The following TTF1 variants were observed in gnomAD, a reference collection of about 807,000 sequenced individuals.
The protein encoded by TTF1 is transcription termination factor, RNA polymerase I.
TTF1 carries 64 observed loss-of-function variants against 80.2 expected under a neutral mutation model. The ratio of observed to expected loss-of-function variants is 0.80; its 90% CI spans 0.65 to 0.98. The LOEUF is 0.98. Ranked by LOEUF, TTF1 falls within the 50% of genes least tolerant of loss-of-function variation. The pLI is 0.00. For missense variants in TTF1, 1,023 were observed against 1,086.2 expected (o/e 0.94, Z 0.82); for synonymous variants, 372 against 382.7 (o/e 0.97, Z 0.33).
In TTF1 at chr9:132,379,108, A is replaced by C; in HGVS notation, c.2415T>G (p.Ser805=). Reference sequence around the variant, plus strand: ...ATGGAACATAGACAGCTTTCAGCCTAGAAAATTTAGTTTGAACGTAAGATG... The same window carrying C: ...ATGGAACATAGACAGCTTTCAGCCTCGAAAATTTAGTTTGAACGTAAGATG... The part of the protein sequence containing the change: ...VPPSYVQTKF[S]RLKAVYVPFW... Residue 805 remains serine (S), a synonymous_variant, in exon 10 of 11, where the codon TCT becomes TCG. Transcript: ENST00000334270. 1 of 1,609,660 alleles carries C rather than the reference A, an allele frequency of 6.2e-7. No homozygotes were observed. Among genetic ancestry groups the C allele is most frequent in the Non-Finnish European group, 8.5e-7 (1 of 1,178,828 alleles).
Position 132,375,757 on chromosome 9 carries a change from A to G in TTF1, c.*158T>C, listed in dbSNP as rs932999193. On this transcript the variant is annotated 3_prime_UTR_variant, in exon 11 of 11. Transcript: ENST00000334270. ...TCATGCGGTGGTGCGATCTTGGCTCACTGCAACCTCCACCTCCTGGGTTCA... is the reference window on the plus strand; with the variant it reads ...TCATGCGGTGGTGCGATCTTGGCTCGCTGCAACCTCCACCTCCTGGGTTCA... The G allele has an allele frequency of 3.9e-5, 23 of 582,358 alleles. No homozygotes were observed. Among genetic ancestry groups the G allele is most frequent in the Middle Eastern group, 9.1e-4 (2 of 2,200 alleles). The allele number at this position is 582,358 out of a possible 1,614,324, so 36.1% of individuals were successfully genotyped here.
Position 132,406,798 on chromosome 9 carries a change from A to C in TTF1, c.-16T>G, listed in dbSNP as rs1391876211. 3.3e-5 allele frequency: 5 copies of C among 152,144 alleles called. No homozygotes were observed. The highest frequency in any genetic ancestry group is 7.3e-5 in the Non-Finnish European group (5 of 68,030). The allele number at this position is 152,144 out of a possible 1,614,324, so 9.4% of individuals were successfully genotyped here. ...AGGCGCTTTCAACTTACCCTCCGAA[A>C]GCGCCGCCACCTTTCTCCCAACCCG... On this transcript the variant is annotated 5_prime_UTR_variant, in exon 1 of 11. Coordinates refer to ENST00000334270, the MANE Select transcript of TTF1 (RefSeq NM_007344.4).
At chr9:132,397,093 G>A (rs974311366) in intron 4 of TTF1, among the ~76,000 whole-genome samples, 8 of 152,094 alleles carry the variant, frequency 5.3e-5, no homozygotes, top group Admixed American at 2.0e-4. Flanking sequence ...GGAGATCTCC[G>A]AAAACTAAAT....
chr9:132,400,337 T>C, intron 2 of TTF1, 79 bp from the exon 3 acceptor site: 5 of 1,244,758 alleles, frequency 4.0e-6, no homozygotes, highest in East Asian at 2.4e-5. Context: ...CCTTCTTTTT[T>C]TTCGTGAGAC....
At chr9:132,387,296 C>A (rs73550564) in intron 8 of TTF1, among the ~76,000 whole-genome samples, 3 of 152,130 alleles carry the variant, frequency 2.0e-5, no homozygotes, top group African/African-American at 4.8e-5. Flanking sequence ...AACCCTCCCC[C>A]CCCAATCTAC....
Position 132,386,499 on chromosome 9 carries a change from T to C in TTF1, c.2378+57A>G, listed in dbSNP as rs1589818766. On this transcript the variant is annotated intron_variant, in intron 9 of 10. Coordinates refer to ENST00000334270, the MANE Select transcript of TTF1 (RefSeq NM_007344.4). ...CCTGTAAGATGATAGGGAGTTATTG[T>C]ATTTATTAAGTCATCTCTATATTTT... The C allele has an allele frequency of 3.0e-6, 4 of 1,325,830 alleles. No homozygotes were observed. The East Asian group carries it at 9.3e-5, about 31-fold the overall frequency. 82.1% of individuals were successfully genotyped at this position (1,325,830 alleles called of 1,614,324 possible). A position where few individuals can be genotyped will look rare whatever the true frequency, so the allele number is the denominator to read the frequency against.
In TTF1 at chr9:132,401,567, A is replaced by T; in HGVS notation, c.1255T>A (p.Phe419Ile). Residue 419 changes from phenylalanine (F) to isoleucine (I), a missense_variant, in exon 2 of 11, where the codon TTT (phenylalanine) becomes ATT (isoleucine). Transcript: ENST00000334270. The part of the protein sequence containing the change: ...VPSKNSESTL[F>I]DSVEGDGAMM... ...GCGCCATCACCTTCTACTGAATCAAAGAGTGTGCTCTCAGAGTTCTTACTG... is the reference window on the plus strand; with the variant it reads ...GCGCCATCACCTTCTACTGAATCAATGAGTGTGCTCTCAGAGTTCTTACTG... 6.2e-7 allele frequency: 1 copy of T among 1,614,152 alleles called. No individual in the cohort carries two copies. The highest frequency in any genetic ancestry group is 1.6e-4 in the Middle Eastern group (1 of 6,062).
At chr9:132,391,928 C>T in intron 6 of TTF1, 148 bp downstream of exon 6, 1 of 1,344,240 alleles carries the variant, frequency 7.4e-7, no homozygotes, top group Non-Finnish European at 9.9e-7. Flanking sequence ...GGAAACCAAA[C>T]AAATTAGTAT....
chr9:132,390,753 ATCT>A lies in TTF1; in HGVS notation c.2063_2065del (p.Lys688del), dbSNP rs771673953. On this transcript the variant is annotated inframe_deletion, in exon 7 of 11. Coordinates refer to ENST00000334270, the MANE Select transcript of TTF1 (RefSeq NM_007344.4). ...CACCTCTTTTAACTCCTGGGGAGACATCTTCTTCAGAATCACTTCTTCGACAGC... is the reference window on the plus strand; with the variant it reads ...CACCTCTTTTAACTCCTGGGGAGACATCTTCAGAATCACTTCTTCGACAGC... 5.6e-6 allele frequency: 9 copies of A among 1,614,116 alleles called. No homozygotes were observed. Among genetic ancestry groups the A allele is most frequent in the African/African-American group, 1.3e-5 (1 of 74,940 alleles).
intron 1 of TTF1, among the ~76,000 whole-genome samples, chr9:132,404,204 T>C (rs977028435): frequency 1.3e-5 from 2 of 152,270 alleles, no homozygotes; most frequent in Admixed American, 6.5e-5. Flanking sequence ...CTGCATTTGC[T>C]ATTTTCACCT....
chr9:132,388,254 GT>G, intron 7 of TTF1, 26 bp from the exon 8 acceptor site: 1 of 1,525,990 alleles, frequency 6.6e-7, no homozygotes, highest in Non-Finnish European at 9.0e-7. Context: ...GAAAAACATA[GT>G]TTACTTTCAA....
chr9:132,388,342 CT>C (rs879104319), intron 7 of TTF1, 114 bp from the exon 8 acceptor site: 32,881 of 495,660 alleles, frequency 0.066, no homozygotes, highest in South Asian at 0.11. Flanking sequence ...TCTAACTTTT[CT>C]TTTTTTTTTT....
At chr9:132,399,367 C>CA (rs1849717744) in intron 3 of TTF1, among the ~76,000 whole-genome samples, 1 of 152,012 alleles carries the variant, frequency 6.6e-6, no homozygotes, top group Non-Finnish European at 1.5e-5. Context: ...TGAATCTCTT[C>CA]AATCCCATTA....
chr9:132,376,226 G>T, intron 10 of TTF1, 58 bp from the exon 11 acceptor site: 11 of 1,545,568 alleles, frequency 7.1e-6, no homozygotes, highest in Non-Finnish European at 9.6e-6. Flanking sequence ...TCTTATCAAG[G>T]TCGAGGCATA....
chr9:132,401,974 G>A lies in TTF1; in HGVS notation c.848C>T (p.Ser283Phe), dbSNP rs192954195. ...CAATGCCTCAAATTCCTGGTGATTG[G>A]ACTTTTTCTTCTTTTTTTTCTTAGA... ...KKSKKKKKKK[S>F]NHQEFEALAM... The change falls in exon 2 of 11, where the codon TCC (serine) becomes TTC (phenylalanine). Residue 283 changes from serine to phenylalanine, a missense_variant. Transcript: ENST00000334270. 233 of 1,613,934 alleles carry A rather than the reference G, an allele frequency of 1.4e-4. 1 individual carries two copies. The Admixed American group carries it at 3.8e-3, about 26-fold the overall frequency.
intron 9 of TTF1, among the ~76,000 whole-genome samples, chr9:132,383,506 G>C (rs981256065): frequency 6.6e-6 from 1 of 152,226 alleles, no homozygotes; most frequent in South Asian, 2.1e-4. Context: ...GGAGGAGGGA[G>C]AGAGGGATGA....
At chr9:132,401,284 C>A (rs1364291778) in intron 2 of TTF1, among the ~76,000 whole-genome samples, 171 bp downstream of exon 2, 1 of 151,992 alleles carries the variant, frequency 6.6e-6, no homozygotes, top group Admixed American at 6.6e-5. Context: ...CGAGATTGCA[C>A]CATTGCACTC....
chr9:132,398,292 CT>C lies in TTF1; in HGVS notation c.1625del (p.Lys542ArgfsTer6), dbSNP rs1218265713. The part of the protein sequence containing the change: ...VAIKFGKFSV[K>X]ENKQLEKNVE... ...CATTTTTCTCTAACTGCTTATTTTC[CT>C]TTACAGAAAACTTGCCAAATTTAAT... On this transcript the variant is annotated frameshift_variant, in exon 4 of 11. Transcript: ENST00000334270. LOFTEE classifies it high-confidence loss of function. 1 of 1,608,648 alleles carries C rather than the reference CT, an allele frequency of 6.2e-7. No homozygotes were observed. Among genetic ancestry groups the C allele is most frequent in the Admixed American group, 1.7e-5 (1 of 58,384 alleles).
chr9:132,391,168 C>T (rs1382217873), intron 6 of TTF1, among the ~76,000 whole-genome samples: 1 of 152,190 alleles, frequency 6.6e-6, no homozygotes, highest in Non-Finnish European at 1.5e-5. Context: ...GAAAAGCCAG[C>T]CAAATGGCTT....
Sources: gnomAD v4.1 joint callset for allele counts (sites outside exome capture counted in the v4.1 genomes callset) on GRCh38, gnomAD v4.1.1 for gene constraint, MANE v1.5 for transcripts, NCBI Gene and HGNC (gene_info 2026-07-23, HGNC 2026-07-21) for gene names.